The following RANBP3L variants were observed in gnomAD, a reference collection of about 807,000 sequenced individuals.
The protein encoded by RANBP3L is ran-binding protein 3-like.
Under a neutral mutation model 67.2 loss-of-function variants are expected in RANBP3L, and 56 were observed. The ratio of observed to expected loss-of-function variants is 0.83; its 90% CI spans 0.67 to 1.04. The LOEUF (loss-of-function observed/expected upper bound fraction) is 1.04. Among genes scored for constraint, RANBP3L ranks in the 50% least tolerant of loss-of-function variants. The pLI is 0.00. For missense variants in RANBP3L, 496 were observed against 535.5 expected (o/e 0.93, Z 0.73); for synonymous variants, 164 against 181.4 (o/e 0.90, Z 0.77).
At chr5:36,298,466 A>G (rs1008670444) in intron 1 of RANBP3L, among the ~76,000 whole-genome samples, 37 of 152,314 alleles carry the variant, frequency 2.4e-4, no homozygotes, top group African/African-American at 8.2e-4. Context: ...GATTCCATGA[A>G]TAAAGCCAGA....
intron 13 of RANBP3L, among the ~76,000 whole-genome samples, chr5:36,250,606 T>G (rs1308388043): frequency 6.6e-6 from 1 of 152,136 alleles, no homozygotes; most frequent in Non-Finnish European, 1.5e-5. Flanking sequence ...CAGGACTAAG[T>G]GAAACTGTTA....
chr5:36,297,091 G>A (rs897060752), intron 1 of RANBP3L, among the ~76,000 whole-genome samples: 1 of 151,984 alleles, frequency 6.6e-6, no homozygotes, highest in African/African-American at 2.4e-5. Flanking sequence ...ATTATTAATA[G>A]CCTAGAGGTG....
Position 36,269,498 on chromosome 5 carries a change from T to C in RANBP3L, c.191-31A>G, listed in dbSNP as rs145046828. 1,243 of 1,242,152 alleles carry C rather than the reference T, an allele frequency of 1.0e-3. 11 individuals are homozygous for C. In the African/African-American group the frequency reaches 0.016, roughly 16 times the overall value. The allele number at this position is 1,242,152 out of a possible 1,614,324, so 76.9% of individuals were successfully genotyped here. ...AGAAAAGCAATGGAAAGGCTAAAATTACTTGTGATAATAAATTATCCTCAA... is the reference window on the plus strand; with the variant it reads ...AGAAAAGCAATGGAAAGGCTAAAATCACTTGTGATAATAAATTATCCTCAA... On this transcript the variant is annotated intron_variant, in intron 3 of 13. Coordinates refer to ENST00000296604, the MANE Select transcript of RANBP3L (RefSeq NM_145000.5).
chr5:36,255,721 A>G (rs10035473), intron 10 of RANBP3L, 131 bp from the exon 11 acceptor site: 11,675 of 531,896 alleles, frequency 0.022, 1,057 homozygotes, highest in African/African-American at 0.2. Context: ...TTTATAAACC[A>G]GCTTTTAAAA....
At chr5:36,278,059 A>C (rs1750721800) in intron 1 of RANBP3L, among the ~76,000 whole-genome samples, 1 of 152,140 alleles carries the variant, frequency 6.6e-6, no homozygotes, top group Non-Finnish European at 1.5e-5. Flanking sequence ...TCCCTCCCAC[A>C]ACACATGGGA....
intron 4 of RANBP3L, among the ~76,000 whole-genome samples, chr5:36,268,904 G>A (rs377373648): frequency 6.6e-6 from 1 of 152,014 alleles, no homozygotes; most frequent in East Asian, 1.9e-4. Flanking sequence ...TAGAGATGGG[G>A]TTTCACTATG....
At chr5:36,286,231 C>A (rs750677162) in intron 1 of RANBP3L, among the ~76,000 whole-genome samples, 1 of 152,138 alleles carries the variant, frequency 6.6e-6, no homozygotes, top group Non-Finnish European at 1.5e-5. Flanking sequence ...ACTTTTACTG[C>A]ATCCCTAACT....
intron 1 of RANBP3L, among the ~76,000 whole-genome samples, chr5:36,274,159 G>A (rs950498902): frequency 6.6e-6 from 1 of 152,060 alleles, no homozygotes; most frequent in African/African-American, 2.4e-5. Context: ...TTCTTTGCTC[G>A]ATTAAACTCT....
chr5:36,257,642 T>C, intron 8 of RANBP3L, 86 bp from the exon 9 acceptor site: 1 of 565,186 alleles, frequency 1.8e-6, no homozygotes, highest in Non-Finnish European at 3.1e-6. Context: ...ACTTCCGTTT[T>C]TCTGTTTCAA....
In RANBP3L at chr5:36,255,353, T is replaced by G. The variant is rs188855107; in HGVS notation, c.1024+117A>C. On this transcript the variant is annotated intron_variant, in intron 11 of 13. Transcript: ENST00000296604. ...TCCTATAGAAATATTTTCAACAGTC[T>G]GATTTTTTGGTGTATTTTATAGCAC... 6.5e-3 allele frequency: 6,402 copies of G among 991,314 alleles called. 52 individuals carry two copies. Among genetic ancestry groups the G allele is most frequent in the Middle Eastern group, 0.022 (98 of 4,426 alleles). The allele number at this position is 991,314 out of a possible 1,614,324, so 61.4% of individuals were successfully genotyped here.
chr5:36,268,490 C>CT (rs1383278325), intron 4 of RANBP3L, among the ~76,000 whole-genome samples: 22 of 152,032 alleles, frequency 1.4e-4, no homozygotes, highest in African/African-American at 5.3e-4. Context: ...ATGTAAGACA[C>CT]TATCAACCAT....
chr5:36,253,610 G>A (rs753008835), intron 12 of RANBP3L, 37 bp downstream of exon 12: 1 of 1,511,424 alleles, frequency 6.6e-7, no homozygotes, highest in Non-Finnish European at 9.2e-7. Context: ...TATTAATTTA[G>A]TAGGATAATC....
At chr5:36,264,769 GA>G (rs1749635514) in intron 6 of RANBP3L, among the ~76,000 whole-genome samples, 189 bp downstream of exon 6, 1 of 152,128 alleles carries the variant, frequency 6.6e-6, no homozygotes, top group Non-Finnish European at 1.5e-5. Flanking sequence ...AGAGACCACA[GA>G]TTTGTGAGAC....
At chr5:36,272,443 T>C (rs1434546387) in intron 1 of RANBP3L, among the ~76,000 whole-genome samples, 1 of 152,144 alleles carries the variant, frequency 6.6e-6, no homozygotes, top group African/African-American at 2.4e-5. Flanking sequence ...AGCTGACAAA[T>C]TTCAAGAAAC....
chr5:36,285,160 G>A (rs1434018083), intron 1 of RANBP3L, among the ~76,000 whole-genome samples: 1 of 152,172 alleles, frequency 6.6e-6, no homozygotes, highest in Non-Finnish European at 1.5e-5. Context: ...AATGTGATTT[G>A]TTTGTAAGTG....
chr5:36,279,124 A>G (rs1344946562), intron 1 of RANBP3L, among the ~76,000 whole-genome samples: 2 of 152,202 alleles, frequency 1.3e-5, no homozygotes, highest in Non-Finnish European at 2.9e-5. Flanking sequence ...CATGGAGCCC[A>G]AGGAAGAGGA....
chr5:36,290,218 T>A (rs1427133577), intron 1 of RANBP3L, among the ~76,000 whole-genome samples: 6 of 101,696 alleles, frequency 5.9e-5, no homozygotes, highest in Non-Finnish European at 7.8e-5. Context: ...TCTCTCTCTG[T>A]CTCACCTTTT....
In RANBP3L at chr5:36,301,766, A is replaced by C; in HGVS notation, c.-350T>G. The C allele has an allele frequency of 5.6e-6, 1 of 178,334 alleles. No individual in the cohort carries two copies. The highest frequency in any genetic ancestry group is 1.2e-5 in the Non-Finnish European group (1 of 84,230). The allele number at this position is 178,334 out of a possible 1,614,324, so 11.0% of individuals were successfully genotyped here. On this transcript the variant is annotated 5_prime_UTR_variant, in exon 1 of 14. Coordinates refer to ENST00000296604, the MANE Select transcript of RANBP3L (RefSeq NM_145000.5). The stretch of plus-strand genomic sequence containing the variant: ...CAGATTACACTTTTGTCATTTTTAA[A>C]TTCCTTTTGGCGACATGAAATCCAA...
chr5:36,291,644 G>A lies in RANBP3L; in HGVS notation c.91+9682C>T, dbSNP rs1286934281. On this transcript the variant is annotated intron_variant, in intron 1 of 13. Coordinates refer to ENST00000296604, the MANE Select transcript of RANBP3L (RefSeq NM_145000.5). The stretch of plus-strand genomic sequence containing the variant: ...AATTCCCACCTATGAGTGAGAATAT[G>A]TGGTGTTTGGTTTTTTGTTCTTGTG... 9.2e-5 allele frequency among the ~76,000 whole-genome samples: 14 copies of A among 151,634 alleles called. No homozygotes were observed. In the South Asian group the frequency reaches 2.5e-3, roughly 27 times the overall value.
Sources: allele counts gnomAD v4.1 joint callset (sites outside exome capture counted in the v4.1 genomes callset), GRCh38; gene constraint gnomAD v4.1.1; transcripts MANE v1.5; gene names NCBI Gene and HGNC (gene_info 2026-07-23, HGNC 2026-07-21).